Variants in DPYSL2 observed in about 807,000 individuals in gnomAD.
DPYSL2 encodes dihydropyrimidinase like 2, also known as dihydropyrimidinase-related protein 2.
Under a neutral mutation model 69.9 loss-of-function variants are expected in DPYSL2, and 13 were observed. The observed-to-expected ratio is 0.19, with a 90% CI of 0.12 to 0.30. The LOEUF (loss-of-function observed/expected upper bound fraction) is 0.30. Ranked by LOEUF, DPYSL2 falls within the 10% of genes least tolerant of loss-of-function variation. The pLI, the probability that DPYSL2 is intolerant of heterozygous loss-of-function variation, is 1.00. For missense variants in DPYSL2, 587 were observed against 918.9 expected (o/e 0.64, Z 4.67); for synonymous variants, 326 against 359.1 (o/e 0.91, Z 1.04).
At chr8:26,581,883 G>C (rs1801501246) in intron 1 of DPYSL2, 86 bp from the exon 2 acceptor site, 4 of 1,070,176 alleles carry the variant, frequency 3.7e-6, no homozygotes, top group Non-Finnish European at 5.7e-6. Flanking sequence ...TTTGAACAGT[G>C]AAAATGTATC....
chr8:26,574,538 A>G (rs1211940289), intron 1 of DPYSL2, among the ~76,000 whole-genome samples: 2 of 152,180 alleles, frequency 1.3e-5, no homozygotes, highest in African/African-American at 4.8e-5. Flanking sequence ...GCTGGGAGAA[A>G]AGTATGGGAA....
At chr8:26,552,744 A>G (rs907694331) in intron 1 of DPYSL2, among the ~76,000 whole-genome samples, 4 of 152,154 alleles carry the variant, frequency 2.6e-5, no homozygotes, top group African/African-American at 9.7e-5. Context: ...TCCCTCAATA[A>G]CCCATTAATT....
chr8:26,575,884 C>T (rs1271934802), intron 1 of DPYSL2, among the ~76,000 whole-genome samples: 2 of 152,206 alleles, frequency 1.3e-5, no homozygotes, highest in African/African-American at 4.8e-5. Context: ...GGACACTCCT[C>T]TCCACTGCCC....
At chr8:26,599,254 G>A (rs1351393670) in intron 3 of DPYSL2, among the ~76,000 whole-genome samples, 1 of 152,160 alleles carries the variant, frequency 6.6e-6, no homozygotes, top group Non-Finnish European at 1.5e-5. Flanking sequence ...CAGAAGCTGT[G>A]TTCTGCTGAA....
intron 1 of DPYSL2, among the ~76,000 whole-genome samples, chr8:26,521,212 G>A (rs574534998): frequency 3.9e-5 from 6 of 152,314 alleles, no homozygotes; most frequent in African/African-American, 1.4e-4. Context: ...ACTGTCTTAC[G>A]TGCAAGTGCC....
In DPYSL2 at chr8:26,634,804, G is replaced by T; in HGVS notation, c.1030G>T (p.Ala344Ser). Residue 344 changes from alanine (A) to serine (S), a missense_variant, in exon 8 of 14, where the codon GCC (alanine) becomes TCC (serine). Physicochemically the swap from Ala to Ser is moderately conservative, Grantham distance 99. Around this residue, in one of 3 missense-constraint regions of DPYSL2, gnomAD observed 452 missense variants for 754.3 expected, o/e 0.60. Coordinates refer to ENST00000521913, the MANE Select transcript of DPYSL2 (RefSeq NM_001197293.3). ...GGTCGAGGCCGAAGCCGTGAATCGT[G>T]CCATCACCATCGCCAACCAGACCAA... ...EEVEAEAVNR[A>S]ITIANQTNCP... 1 of 1,614,198 alleles carries T rather than the reference G, an allele frequency of 6.2e-7. No homozygotes were observed. The highest frequency in any genetic ancestry group is 8.5e-7 in the Non-Finnish European group (1 of 1,180,040).
chr8:26,581,757 A>T (rs952448759), intron 1 of DPYSL2, among the ~76,000 whole-genome samples: 2 of 151,036 alleles, frequency 1.3e-5, no homozygotes, highest in African/African-American at 2.4e-5. Flanking sequence ...TGGTTCGTTT[A>T]TCTAGGATAA....
At chr8:26,606,078 C>T (rs935983314) in intron 3 of DPYSL2, among the ~76,000 whole-genome samples, 1 of 152,050 alleles carries the variant, frequency 6.6e-6, no homozygotes, top group Admixed American at 6.5e-5. Context: ...ATAATTAAAG[C>T]TGTGTGGTAC....
At chr8:26,536,105 CTTT>C (rs111964513) in intron 1 of DPYSL2, among the ~76,000 whole-genome samples, 1 of 139,720 alleles carries the variant, frequency 7.2e-6, no homozygotes, top group Non-Finnish European at 1.6e-5. Flanking sequence ...TATCTTTTTC[CTTT>C]TTTTTTTTTT....
intron 1 of DPYSL2, among the ~76,000 whole-genome samples, chr8:26,535,429 C>T (rs915876187): frequency 5.3e-5 from 8 of 151,986 alleles, no homozygotes; most frequent in Admixed American, 2.0e-4. Context: ...TTTTGGAGCA[C>T]GGGCTGGCAC....
At chr8:26,552,718 G>T (rs922953593) in intron 1 of DPYSL2, among the ~76,000 whole-genome samples, 10 of 152,146 alleles carry the variant, frequency 6.6e-5, no homozygotes, top group Non-Finnish European at 1.3e-4. Flanking sequence ...ACCCGCTCTT[G>T]TGATAAGTAG....
In DPYSL2 at chr8:26,593,963, A is replaced by G. The variant is rs1801800767; in HGVS notation, c.628+9980A>G. Among the ~76,000 whole-genome samples the G allele has an allele frequency of 6.6e-6, 1 of 152,210 alleles. No homozygotes were observed. Among genetic ancestry groups the G allele is most frequent in the Admixed American group, 6.5e-5 (1 of 15,280 alleles). On this transcript the variant is annotated intron_variant, in intron 3 of 13. Coordinates refer to ENST00000521913, the MANE Select transcript of DPYSL2 (RefSeq NM_001197293.3). This position sits in a 1 kb window ranked among gnomAD's most constrained non-coding sequence, Gnocchi z 5.7. ...TAATAACATAGAATCATGGACTCTT[A>G]AGGCAGCCATTCACCTCCTTCCCAG...
Position 26,571,345 on chromosome 8 carries a change from G to A in DPYSL2, c.355-10624G>A, listed in dbSNP as rs1348419382. On this transcript the variant is annotated intron_variant, in intron 1 of 13. Coordinates refer to ENST00000521913, the MANE Select transcript of DPYSL2 (RefSeq NM_001197293.3). The surrounding 1 kb of genome is among the most constrained non-coding windows in gnomAD (Gnocchi z 6.1). ...CTTGGGCACACCAACGGAAACAAGT[G>A]ATCTCCAAGGCCCTGCCCTGGCTTG... Among the ~76,000 whole-genome samples the A allele has an allele frequency of 1.3e-5, 2 of 152,166 alleles. No individual in the cohort carries two copies. The highest frequency in any genetic ancestry group is 6.5e-5 in the Admixed American group (1 of 15,276).
rs1304736149 is a variant in DPYSL2, at chr8:26,517,217, C to T, written c.354+2538C>T. ...GAGGCCTGCTGTTCCCCTAACAAGG[C>T]TTTGGGAAGGGAGAGAATAGGCTTC... On this transcript the variant is annotated intron_variant, in intron 1 of 13. Transcript: ENST00000521913. The surrounding 1 kb of genome is among the most constrained non-coding windows in gnomAD (Gnocchi z 4.2). Among the ~76,000 whole-genome samples the T allele has an allele frequency of 1.3e-5, 2 of 152,172 alleles. No individual in the cohort carries two copies. The highest frequency in any genetic ancestry group is 2.9e-5 in the Non-Finnish European group (2 of 68,026).
At chr8:26,529,728 A>ATTTTT (rs71216757) in intron 1 of DPYSL2, among the ~76,000 whole-genome samples, 1 of 135,482 alleles carries the variant, frequency 7.4e-6, no homozygotes, top group Non-Finnish European at 1.6e-5. Context: ...TTTAACCGTA[A>ATTTTT]TTTTTTTTTT....
intron 1 of DPYSL2, among the ~76,000 whole-genome samples, chr8:26,558,620 A>G (rs1801026686): frequency 6.6e-6 from 1 of 152,236 alleles, no homozygotes; most frequent in Non-Finnish European, 1.5e-5. Context: ...ATATTGGCTC[A>G]TCACTTGTAA....
Position 26,586,540 on chromosome 8 carries a change from T to A in DPYSL2, c.628+2557T>A, listed in dbSNP as rs928396668. 2.6e-5 allele frequency among the ~76,000 whole-genome samples: 4 copies of A among 152,186 alleles called. No individual in the cohort carries two copies. The highest frequency in any genetic ancestry group is 7.2e-5 in the African/African-American group (3 of 41,446). ...TTAGGCCCCCACTCTTGTTCTTGTT[T>A]TTGACTCTTTCCTGCCTTCCCTTCC... On this transcript the variant is annotated intron_variant, in intron 3 of 13. Coordinates refer to ENST00000521913, the MANE Select transcript of DPYSL2 (RefSeq NM_001197293.3). This position sits in a 1 kb window ranked among gnomAD's most constrained non-coding sequence, Gnocchi z 4.7.
Position 26,656,562 on chromosome 8 carries a change from G to C in DPYSL2, c.*856G>C, listed in dbSNP as rs1462491990. On this transcript the variant is annotated 3_prime_UTR_variant, in exon 14 of 14. Transcript: ENST00000521913. ...TGTGTTTCCTCCAGCCCTTGTCTCG[G>C]AGACGGTGTTTTCCTCCCTTGCCCC... 1 of 152,268 alleles carries C rather than the reference G, an allele frequency of 6.6e-6. No individual in the cohort carries two copies. The highest frequency in any genetic ancestry group is 2.4e-5 in the African/African-American group (1 of 41,282). The allele number at this position is 152,268 out of a possible 1,614,324, so 9.4% of individuals were successfully genotyped here.
intron 7 of DPYSL2, among the ~76,000 whole-genome samples, chr8:26,630,948 C>G (rs767599564): frequency 6.6e-6 from 1 of 152,214 alleles, no homozygotes; most frequent in Non-Finnish European, 1.5e-5. Context: ...CATGTACCAG[C>G]TGTACAAGGA....
Sources: allele counts gnomAD v4.1 joint callset (sites outside exome capture counted in the v4.1 genomes callset), GRCh38; gene constraint gnomAD v4.1.1; regional missense constraint gnomAD v4.1.1; non-coding constraint Gnocchi (gnomAD v3.1); transcripts MANE v1.5; gene names NCBI Gene and HGNC (gene_info 2026-07-23, HGNC 2026-07-21).